CCNY: variants seen among roughly 807,000 people sequenced by gnomAD.
The protein encoded by CCNY is cyclin Y.
Under a neutral mutation model 42.8 loss-of-function variants are expected in CCNY, and 19 were observed. The observed-to-expected ratio is 0.44, with a 90% CI of 0.31 to 0.65. The LOEUF (loss-of-function observed/expected upper bound fraction) is 0.65, where lower values mean the gene tolerates loss of function less well. Ranked by LOEUF, CCNY falls within the 30% of genes least tolerant of loss-of-function variation. CCNY has a pLI of 0.07. For missense variants in CCNY, 370 were observed against 437.3 expected (o/e 0.85, Z 1.37); for synonymous variants, 165 against 162.7 (o/e 1.01, Z -0.11).
chr10:35,460,683 A>G (rs1839139533), intron 1 of CCNY, among the ~76,000 whole-genome samples: 1 of 152,230 alleles, frequency 6.6e-6, no homozygotes, highest in African/African-American at 2.4e-5. Flanking sequence ...AACATATTTA[A>G]TGTGTTATCT....
At chr10:35,483,994 G>A (rs967344860) in intron 2 of CCNY, among the ~76,000 whole-genome samples, 10 of 151,574 alleles carry the variant, frequency 6.6e-5, no homozygotes, top group Non-Finnish European at 5.9e-5. Context: ...CTTGTAGATC[G>A]TACCATCTTT....
intron 3 of CCNY, among the ~76,000 whole-genome samples, chr10:35,506,436 G>A (rs1181826434): frequency 6.6e-6 from 1 of 152,152 alleles, no homozygotes; most frequent in Admixed American, 6.5e-5. Context: ...GTCTAGAAAT[G>A]ATAATGATAA....
At chr10:35,459,731 A>G (rs1360306341) in intron 1 of CCNY, among the ~76,000 whole-genome samples, 6 of 152,158 alleles carry the variant, frequency 3.9e-5, no homozygotes, top group Non-Finnish European at 8.8e-5. Context: ...GCATACTCTC[A>G]TTGCACCATC....
At chr10:35,438,178 C>G (rs1156723569) in intron 1 of CCNY, among the ~76,000 whole-genome samples, 1 of 149,880 alleles carries the variant, frequency 6.7e-6, no homozygotes, top group African/African-American at 2.5e-5. Flanking sequence ...GAGGCAAGGC[C>G]TTTTCTGTTT....
intron 1 of CCNY, among the ~76,000 whole-genome samples, chr10:35,403,963 A>T (rs1007039119): frequency 6.6e-6 from 1 of 152,248 alleles, no homozygotes; most frequent in Non-Finnish European, 1.5e-5. Flanking sequence ...GATCAGAGAC[A>T]TACAGTCATG....
At chr10:35,335,216 G>C (rs1051405455), upstream of CCNY, among the ~76,000 whole-genome samples, 7 of 151,994 alleles carry the variant, frequency 4.6e-5, no homozygotes, top group Non-Finnish European at 7.4e-5. Flanking sequence ...GAGGGAATGC[G>C]AACCAACATT....
At chr10:35,252,048 C>A (rs897694786) in intron 3 of CCNY, among the ~76,000 whole-genome samples, 4 of 152,136 alleles carry the variant, frequency 2.6e-5, no homozygotes, top group African/African-American at 9.7e-5. Context: ...ACTTACAAAA[C>A]AAGGAAATGT....
At chr10:35,269,631 GT>G (rs201449572) in intron 3 of CCNY, among the ~76,000 whole-genome samples, 14,022 of 127,398 alleles carry the variant, frequency 0.11, 1,355 homozygotes, top group African/African-American at 0.29. Flanking sequence ...TTTTTTTTTT[GT>G]TTTGTTTTTT....
intron 8 of CCNY, among the ~76,000 whole-genome samples, chr10:35,554,607 A>G (rs1162162073): frequency 6.6e-6 from 1 of 152,162 alleles, no homozygotes; most frequent in Non-Finnish European, 1.5e-5. Flanking sequence ...ACTGAACAGC[A>G]CGTCACATGA....
chr10:35,476,569 G>T (rs1330816474), intron 1 of CCNY, among the ~76,000 whole-genome samples: 1 of 151,590 alleles, frequency 6.6e-6, no homozygotes, highest in Non-Finnish European at 1.5e-5. Context: ...CAGAAATAAA[G>T]ATGTTCTTTG....
chr10:35,279,293 T>C (rs1835273466), intron 3 of CCNY, among the ~76,000 whole-genome samples: 1 of 151,996 alleles, frequency 6.6e-6, no homozygotes, highest in Non-Finnish European at 1.5e-5. Context: ...TTTTTGTTTT[T>C]AGTAGAGATG....
chr10:35,449,280 G>A (rs959334792), intron 1 of CCNY, among the ~76,000 whole-genome samples: 52 of 148,034 alleles, frequency 3.5e-4, no homozygotes, highest in African/African-American at 1.0e-3. Flanking sequence ...GGCAGAGATA[G>A]GGGCAGGGAG....
intron 5 of CCNY, among the ~76,000 whole-genome samples, chr10:35,527,966 A>T (rs1321948654): frequency 6.6e-6 from 1 of 152,146 alleles, no homozygotes; most frequent in African/African-American, 2.4e-5. Flanking sequence ...CCCTTTCCTG[A>T]GTCGTCTTAG....
chr10:35,375,656 C>G (rs1837036382), intron 1 of CCNY, among the ~76,000 whole-genome samples: 1 of 152,200 alleles, frequency 6.6e-6, no homozygotes, highest in South Asian at 2.1e-4. Flanking sequence ...ATAGGGAAGT[C>G]TTAGTTTTTG....
chr10:35,253,069 T>G (rs2095713061), intron 3 of CCNY, among the ~76,000 whole-genome samples: 1 of 152,196 alleles, frequency 6.6e-6, no homozygotes, highest in South Asian at 2.1e-4. Flanking sequence ...CTGAACACTA[T>G]TAAGTCCATG....
chr10:35,412,932 T>C (rs7069050), intron 1 of CCNY, among the ~76,000 whole-genome samples: 62,842 of 147,420 alleles, frequency 0.43, 14,311 homozygotes, highest in African/African-American at 0.59. Flanking sequence ...CGCTTTGGGT[T>C]GGGGATGGCA....
upstream of CCNY, among the ~76,000 whole-genome samples, chr10:35,332,794 C>T (rs1206024154): frequency 1.3e-5 from 2 of 152,182 alleles, no homozygotes; most frequent in East Asian, 1.9e-4. Context: ...TTAATAGAGA[C>T]AGGGTTTCAC....
In CCNY at chr10:35,429,384, T is replaced by G. The variant is rs551762592; in HGVS notation, c.155-54020T>G. Among the ~76,000 whole-genome samples the G allele has an allele frequency of 2.0e-5, 3 of 152,348 alleles. No individual in the cohort carries two copies. The East Asian group carries it at 5.8e-4, about 29-fold the overall frequency. Reference sequence around the variant, plus strand: ...CTTAAAATGAATAAAGAAATATCATTAAAATTTCTCAGTTTTAATTTCCAA... The same window carrying G: ...CTTAAAATGAATAAAGAAATATCATGAAAATTTCTCAGTTTTAATTTCCAA... On this transcript the variant is annotated intron_variant, in intron 1 of 9. Coordinates refer to ENST00000374704, the MANE Select transcript of CCNY (RefSeq NM_145012.6).
chr10:35,270,321 G>C (rs1040095732), intron 3 of CCNY, among the ~76,000 whole-genome samples: 3 of 152,094 alleles, frequency 2.0e-5, no homozygotes, highest in Non-Finnish European at 4.4e-5. Context: ...TTGCATAGGA[G>C]ACTAAAATTC....
Sources: allele counts gnomAD v4.1 joint callset (sites outside exome capture counted in the v4.1 genomes callset), GRCh38; gene constraint gnomAD v4.1.1; transcripts MANE v1.5; gene names NCBI Gene and HGNC (gene_info 2026-07-23, HGNC 2026-07-21).